Variants in FAM13C observed in about 807,000 individuals in gnomAD.
The protein encoded by FAM13C is protein FAM13C.
A neutral mutation model predicts 73.2 loss-of-function variants in FAM13C; 37 were observed. The observed-to-expected ratio is 0.51, with a 90% CI of 0.39 to 0.67. The LOEUF is 0.67. Ranked by LOEUF, FAM13C falls within the 30% of genes least tolerant of loss-of-function variation. FAM13C has a pLI of 0.00. For missense variants in FAM13C, 589 were observed against 715.6 expected, an observed-to-expected ratio of 0.82 and a Z score of 2.02; for synonymous variants, 246 against 260.9, an observed-to-expected ratio of 0.94 and a Z score of 0.55.
chr10:59,285,850 C>A (rs1054033162), intron 5 of FAM13C, among the ~76,000 whole-genome samples: 29 of 152,176 alleles, frequency 1.9e-4, no homozygotes, highest in African/African-American at 6.5e-4. Flanking sequence ...CAGCTGTCTG[C>A]AAGACAAGGA....
At position 59,270,018 on chromosome 10, in the gene FAM13C, G is replaced by A. The variant is rs1015185358; in HGVS notation, c.684C>T (p.His228=). The A allele has an allele frequency of 6.2e-7, 1 of 1,613,882 alleles. No homozygotes were observed. Among genetic ancestry groups the A allele is most frequent in the Admixed American group, 1.7e-5 (1 of 59,994 alleles). ...HSVGTSRLLY[H]ITDGDNPLLS... is the part of the protein sequence containing the mutation. ...GCAGTGGGTTATCACCATCAGTGAT[G>A]TGATAGAGCAGCCTGCTGGTCCCCA... is the stretch of plus-strand genomic sequence containing the variant. The change falls in exon 7 of 14, where the codon CAC becomes CAT. Residue 228 remains histidine, a synonymous_variant. Transcript: ENST00000618804.
chr10:59,298,019 T>C (rs1161134641), intron 5 of FAM13C, among the ~76,000 whole-genome samples: 1 of 152,256 alleles, frequency 6.6e-6, no homozygotes, highest in Non-Finnish European at 1.5e-5. Context: ...AAAAGACTCA[T>C]GCAACATTTA....
rs201233580 is a variant in FAM13C, at chr10:59,262,542, C to T, written c.1128G>A (p.Pro376=). The T allele has an allele frequency of 1.5e-5, 25 of 1,613,714 alleles. No individual in the cohort carries two copies. The highest frequency in any genetic ancestry group is 1.3e-4 in the African/African-American group (10 of 74,990). The change falls in exon 10 of 14, where the codon CCG becomes CCA. Residue 376 remains proline, a synonymous_variant. Transcript: ENST00000618804. ...AGCTTGGCTCCGGGCCCGCAGCTTC[C>T]GGTTTCCCATTTTCTCTGGGGACTG... ...QPTVPRENGK[P]EAAGPEPSSS... is the part of the protein sequence containing the mutation.
chr10:59,345,554 C>T (rs1333931019), intron 3 of FAM13C, among the ~76,000 whole-genome samples: 2 of 152,152 alleles, frequency 1.3e-5, no homozygotes, highest in Non-Finnish European at 2.9e-5. Context: ...CCTAAAAATA[C>T]CATTTTTCAT....
At chr10:59,362,683 G>A (rs1856555891), upstream of FAM13C, 1 of 1,018,590 alleles carries the variant, frequency 9.8e-7, no homozygotes, top group East Asian at 2.9e-5. Flanking sequence ...GACAGAGCTG[G>A]GCGGGGCGCG....
intron 5 of FAM13C, among the ~76,000 whole-genome samples, chr10:59,292,802 T>A (rs1846420808): frequency 6.6e-6 from 1 of 152,202 alleles, no homozygotes; most frequent in Non-Finnish European, 1.5e-5. Flanking sequence ...AATAATGAGA[T>A]TATTCACTAC....
rs1481070351 is a variant in FAM13C, at chr10:59,352,340, C to T, written c.254G>A (p.Gly85Asp). Reference protein sequence around the residue: ...LVDSVLRPSMGNFKSRKPKSI... With the variant: ...LVDSVLRPSMDNFKSRKPKSI... ...CTTGGGCTTCCTGGACTTGAAGTTG[C>T]CCATGCTGGGTCGCAATACGCTGTC... Residue 85 changes from glycine to aspartate, a missense_variant, in exon 3 of 14, where the codon GGC becomes GAC. By Grantham distance (94) the Gly-to-Asp change is moderately conservative (BLOSUM62 -1). Transcript: ENST00000618804. 1.2e-6 allele frequency: 2 copies of T among 1,614,086 alleles called. No individual in the cohort carries two copies. Among genetic ancestry groups the T allele is most frequent in the African/African-American group, 1.3e-5 (1 of 74,936 alleles).
chr10:59,304,952 GATCTCT>G (rs1253014605), intron 4 of FAM13C, among the ~76,000 whole-genome samples: 6 of 151,986 alleles, frequency 3.9e-5, no homozygotes, highest in Non-Finnish European at 5.9e-5. Context: ...CTCACCATGT[GATCTCT>G]GTTCAAGCCA....
intron 7 of FAM13C, 91 bp from the exon 8 acceptor site, chr10:59,268,782 T>C: frequency 1.4e-6 from 2 of 1,466,322 alleles, no homozygotes; most frequent in Non-Finnish European, 1.8e-6. Context: ...TCCTGGATTG[T>C]CAGAGAAGTC....
intron 5 of FAM13C, among the ~76,000 whole-genome samples, chr10:59,295,889 C>A (rs1007156107): frequency 3.3e-5 from 5 of 152,158 alleles, no homozygotes; most frequent in African/African-American, 1.2e-4. Flanking sequence ...CTATCCTGAT[C>A]CTAAGTTTTC....
chr10:59,281,197 C>T (rs1000762637), intron 6 of FAM13C, among the ~76,000 whole-genome samples: 3 of 152,146 alleles, frequency 2.0e-5, no homozygotes, highest in East Asian at 1.9e-4. Flanking sequence ...CCAGGACTAA[C>T]ATGAAAAAAC....
At chr10:59,333,132 T>C (rs1387389427) in intron 3 of FAM13C, among the ~76,000 whole-genome samples, 1 of 152,154 alleles carries the variant, frequency 6.6e-6, no homozygotes, top group Admixed American at 6.6e-5. Flanking sequence ...TACGTTACCA[T>C]GCCAGGCTTA....
chr10:59,263,935 G>A (rs1028013628), intron 9 of FAM13C, 150 bp downstream of exon 9: 1 of 710,222 alleles, frequency 1.4e-6, no homozygotes. Flanking sequence ...GAGATACAGG[G>A]TGCTTTATTT....
chr10:59,348,585 G>GA (rs1854612830), intron 3 of FAM13C, among the ~76,000 whole-genome samples: 1 of 152,092 alleles, frequency 6.6e-6, no homozygotes, highest in Non-Finnish European at 1.5e-5. Flanking sequence ...CTTTTACTCA[G>GA]GGATGTATAT....
chr10:59,291,672 G>A (rs949574880), intron 5 of FAM13C, among the ~76,000 whole-genome samples: 5 of 151,202 alleles, frequency 3.3e-5, no homozygotes, highest in African/African-American at 1.2e-4. Context: ...ACCTGGAAAG[G>A]GGAATCCTAT....
chr10:59,254,650 C>T (rs1903253), intron 10 of FAM13C, among the ~76,000 whole-genome samples: 113,886 of 151,462 alleles, frequency 0.75, 44,829 homozygotes, highest in East Asian at 0.9. Flanking sequence ...GTCACCCAGG[C>T]GGAGTGCAAT....
intron 5 of FAM13C, among the ~76,000 whole-genome samples, chr10:59,300,253 A>T (rs1847434363): frequency 6.6e-6 from 1 of 152,258 alleles, no homozygotes; most frequent in Non-Finnish European, 1.5e-5. Context: ...AAATTTGGGG[A>T]ATGTATAAGG....
At chr10:59,298,849 A>G (rs1195775391) in intron 5 of FAM13C, among the ~76,000 whole-genome samples, 3 of 152,320 alleles carry the variant, frequency 2.0e-5, no homozygotes, top group Non-Finnish European at 4.4e-5. Flanking sequence ...GGTAGAATCA[A>G]TGAATGTTAA....
At chr10:59,303,641 T>C (rs778974568) in intron 4 of FAM13C, among the ~76,000 whole-genome samples, 5 of 152,148 alleles carry the variant, frequency 3.3e-5, no homozygotes, top group African/African-American at 4.8e-5. Flanking sequence ...CCAAAACTCA[T>C]GTTGAAATTT....
Sources: allele counts gnomAD v4.1 joint callset (sites outside exome capture counted in the v4.1 genomes callset), GRCh38; gene constraint gnomAD v4.1.1; transcripts MANE v1.5; gene names NCBI Gene and HGNC (gene_info 2026-07-23, HGNC 2026-07-21).